The following NOL3 variants were observed in gnomAD, a reference collection of about 807,000 sequenced individuals.
NOL3 encodes the protein muscle-enriched cytoplasmic protein.
Under a neutral mutation model 19.2 loss-of-function variants are expected in NOL3, and 18 were observed. That is an observed-to-expected ratio of 0.94 (90% CI 0.65 to 1.39). The LOEUF is 1.39. Among genes scored for constraint, NOL3 ranks in the 40% most tolerant of loss-of-function variants. The pLI is 0.00. For synonymous variants in NOL3, 127 were observed against 137.3 expected (o/e 0.93, Z 0.52); for missense variants, 290 against 289.5 (o/e 1.00, Z -0.01).
chr16:67,174,368 G>T, exon 2 of NOL3: 1 of 1,575,082 alleles, frequency 6.3e-7, no homozygotes, highest in East Asian at 2.3e-5. Context: ...GCTGGTGCAG[G>T]GCAAGGGCGA....
At chr16:67,175,002 G>A in intron 3 of NOL3, 45 bp from the exon 4 acceptor site, 3 of 1,611,908 alleles carry the variant, frequency 1.9e-6, no homozygotes, top group African/African-American at 2.7e-5. Flanking sequence ...CTGGGAAGCG[G>A]ATGCCGGACC....
intron 1 of NOL3, among the ~76,000 whole-genome samples, chr16:67,172,449 A>G (rs2031821467): frequency 6.6e-6 from 1 of 151,532 alleles, no homozygotes; most frequent in Non-Finnish European, 1.5e-5. Context: ...CGTCTCAACT[A>G]AAAACACAAA....
Position 67,174,851 on chromosome 16 carries a change from G to T in NOL3, c.526G>T (p.Glu176Ter). ...GGAGCCGGAGCCAGAGCCAGAGCTGGAACCCGAGGCTGAAGCAGAACCAGA... is the reference window on the plus strand; with the variant it reads ...GGAGCCGGAGCCAGAGCCAGAGCTGTAACCCGAGGCTGAAGCAGAACCAGA... The change falls in exon 3 of 4, where the codon GAA becomes TAA. Residue 176 changes from glutamate (E) to a stop codon, truncating the protein, a stop_gained. Coordinates refer to ENST00000268605, the Ensembl canonical transcript of NOL3. LOFTEE classifies it high-confidence loss of function. 6.2e-7 allele frequency: 1 copy of T among 1,607,924 alleles called. No individual in the cohort carries two copies. Among genetic ancestry groups the T allele is most frequent in the Non-Finnish European group, 8.5e-7 (1 of 1,176,920 alleles).
In NOL3 at chr16:67,170,725, C is replaced by T. The variant is rs539766736; in HGVS notation, c.-9+151C>T. Among the ~76,000 whole-genome samples the T allele has an allele frequency of 6.6e-6, 1 of 151,986 alleles. No homozygotes were observed. Among genetic ancestry groups the T allele is most frequent in the African/African-American group, 2.4e-5 (1 of 41,388 alleles). The stretch of plus-strand genomic sequence containing the variant: ...GCGGGGTGGGTAGGACTGTGGGCCC[C>T]GCCCTGCCGCAGGACTCTCAAGCTC... On this transcript the variant is annotated intron_variant, in intron 1 of 3. Coordinates refer to ENST00000268605, the Ensembl canonical transcript of NOL3. This position sits in a 1 kb window ranked among gnomAD's most constrained non-coding sequence, Gnocchi z 5.7.
rs201067296 is a variant in NOL3 at position 67,174,354 on chromosome 16, T to C, written c.185T>C (p.Leu62Pro). The C allele has an allele frequency of 7.6e-4, 1,207 of 1,585,608 alleles. 3 individuals carry two copies. The Middle Eastern group carries it at 8.1e-3, about 11-fold the overall frequency. ...GCCGAGCGCAGGGTGCGCCGCCTAC[T>C]GCTGCTGGTGCAGGGCAAGGGCGAG... The change falls in exon 2 of 4, where the codon CTG becomes CCG. Residue 62 changes from leucine (L) to proline (P), a missense_variant. This residue lies in a region of NOL3 where 153 missense variants were observed against 149.4 expected (regional missense o/e 1.02). Transcript: ENST00000268605.
exon 4 of NOL3, chr16:67,175,414 C>G (rs777144644): frequency 3.7e-6 from 4 of 1,073,166 alleles, no homozygotes; most frequent in Non-Finnish European, 4.6e-6. Flanking sequence ...CCCATTTCCC[C>G]TGGTGAGCCA....
exon 4 of NOL3, chr16:67,175,372 C>G: frequency 7.9e-7 from 1 of 1,264,716 alleles, no homozygotes; most frequent in Non-Finnish European, 1.0e-6. Context: ...CCTAGTGGGA[C>G]AAGGACCTGA....
chr16:67,174,077 T>C lies in NOL3; in HGVS notation c.-8-85T>C, dbSNP rs748684108. On this transcript the variant is annotated intron_variant, in intron 1 of 3. Transcript: ENST00000268605. ...CTTAAACCCCAGCCTGGGTGTTCAC[T>C]GGGGGCATTGAGGGAGTGGTCAGAG... 4.4e-6 allele frequency: 7 copies of C among 1,589,810 alleles called. No homozygotes were observed. In the African/African-American group the frequency reaches 9.4e-5, roughly 21 times the overall value.
intron 1 of NOL3, chr16:67,173,947 G>A (rs1219187152): frequency 2.6e-6 from 4 of 1,536,672 alleles, no homozygotes; most frequent in Admixed American, 3.9e-5. Flanking sequence ...GCCTGAGGAG[G>A]AGACAGGACA....
At chr16:67,173,662 A>C (rs2031906503) in intron 1 of NOL3, 2 of 588,928 alleles carry the variant, frequency 3.4e-6, no homozygotes, top group South Asian at 4.2e-5. Flanking sequence ...ATGGTGAGAG[A>C]AATATTCAGC....
At chr16:67,174,979 G>T (rs1485718959) in intron 3 of NOL3, 35 bp downstream of exon 3, 8 of 1,609,184 alleles carry the variant, frequency 5.0e-6, no homozygotes, top group Non-Finnish European at 6.8e-6. Context: ...CCGGCTTGGC[G>T]GGAGGGCATG....
intron 1 of NOL3, chr16:67,173,827 G>C: frequency 6.6e-7 from 1 of 1,514,668 alleles, no homozygotes; most frequent in Non-Finnish European, 8.8e-7. Flanking sequence ...GCCGGGGGTG[G>C]AGCTCAGGAC....
At chr16:67,172,921 G>A (rs375867579) in intron 1 of NOL3, 160 of 146,216 alleles carry the variant, frequency 1.1e-3, no homozygotes, top group African/African-American at 3.6e-3. Context: ...GTGAAACCCC[G>A]TCTCCACTAA....
At chr16:67,171,001 G>A (rs2031719873) in intron 1 of NOL3, among the ~76,000 whole-genome samples, 1 of 152,230 alleles carries the variant, frequency 6.6e-6, no homozygotes, top group African/African-American at 2.4e-5. Context: ...CTCAAAGGGA[G>A]GGCCCAGACC....
chr16:67,174,446 TG>T lies in NOL3; in HGVS notation c.279del (p.Trp93CysfsTer131), dbSNP rs1451714144. The T allele has an allele frequency of 6.6e-7, 1 of 1,504,296 alleles. No individual in the cohort carries two copies. The highest frequency in any genetic ancestry group is 1.4e-5 in the African/African-American group (1 of 72,652). The allele number at this position is 1,504,296 out of a possible 1,614,324, so 93.2% of individuals were successfully genotyped here. ...GGGCGCGCCGGACCCCGCTTGGGAC[TG>T]GCAGCACGTGGGTCCGGGTGAGCGC... On this transcript the variant is annotated frameshift_variant, in exon 2 of 4. Transcript: ENST00000268605. LOFTEE classifies it high-confidence loss of function.
At chr16:67,174,580 A>AT (rs761419884) in intron 2 of NOL3, 41 bp from the exon 3 acceptor site, 10 of 1,513,356 alleles carry the variant, frequency 6.6e-6, no homozygotes, top group Non-Finnish European at 7.9e-6. Flanking sequence ...GAAACCGCAC[A>AT]GGGGTAAATT....
chr16:67,171,814 A>C (rs540621589), intron 1 of NOL3: 31 of 152,522 alleles, frequency 2.0e-4, no homozygotes, highest in African/African-American at 7.2e-4. Context: ...AGGGACTGTT[A>C]CAGGACATGA....
chr16:67,173,747 T>G, intron 1 of NOL3: 1 of 876,994 alleles, frequency 1.1e-6, no homozygotes, highest in Non-Finnish European at 1.7e-6. Flanking sequence ...TCTGCCTGGT[T>G]AGGTGGGGAA....
chr16:67,174,721 C>G (rs758591801), exon 3 of NOL3: 13 of 1,611,062 alleles, frequency 8.1e-6, no homozygotes, highest in South Asian at 1.1e-5. Context: ...GAGCTTCAGA[C>G]CCTGACGAGG....
Sources: allele counts gnomAD v4.1 joint callset (sites outside exome capture counted in the v4.1 genomes callset), GRCh38; gene constraint gnomAD v4.1.1; regional missense constraint gnomAD v4.1.1; non-coding constraint Gnocchi (gnomAD v3.1); transcripts MANE v1.5; gene names NCBI Gene and HGNC (gene_info 2026-07-23, HGNC 2026-07-21).